UHMK1: variants seen among roughly 807,000 people sequenced by gnomAD.
UHMK1 encodes serine/threonine-protein kinase Kist.
In UHMK1, 18 loss-of-function variants were observed where a neutral mutation model predicts 44.0. The ratio of observed to expected loss-of-function variants is 0.41; its 90% confidence interval spans 0.28 to 0.61. The LOEUF is 0.61. Among genes scored for constraint, UHMK1 ranks in the 20% least tolerant of loss-of-function variants. The pLI, the probability that UHMK1 is intolerant of heterozygous loss-of-function variation, is 0.31. For missense variants in UHMK1, 463 were observed against 522.5 expected, an observed-to-expected ratio of 0.89 and a Z score of 1.11; for synonymous variants, 231 against 198.5, an observed-to-expected ratio of 1.16 and a Z score of -1.38.
intron 2 of UHMK1, 109 bp downstream of exon 2, chr1:162,500,356 C>T: frequency 7.8e-7 from 1 of 1,276,924 alleles, no homozygotes; most frequent in East Asian, 2.5e-5. Context: ...TCATTTTAAC[C>T]TAAATTACTG....
intron 4 of UHMK1, among the ~76,000 whole-genome samples, chr1:162,509,395 C>T (rs908030264): frequency 2.6e-5 from 4 of 152,180 alleles, no homozygotes; most frequent in Admixed American, 2.6e-4. Context: ...CTAGATTACT[C>T]CAACCTCTTA....
chr1:162,497,610 CAAG>C (rs1419095397), upstream of UHMK1, among the ~76,000 whole-genome samples: 3 of 151,978 alleles, frequency 2.0e-5, no homozygotes, highest in Non-Finnish European at 4.4e-5. Context: ...GGTGCCTCAA[CAAG>C]AAAAAGGACC....
intron 6 of UHMK1, chr1:162,513,143 A>G (rs6668255): frequency 0.46 from 130,602 of 285,442 alleles, 30,300 homozygotes; most frequent in East Asian, 0.48. Context: ...GTTTCACCAT[A>G]TTGGTCAGCT....
chr1:162,518,341 TTTAC>T, intron 7 of UHMK1, 151 bp downstream of exon 7: 1 of 579,646 alleles, frequency 1.7e-6, no homozygotes, highest in Non-Finnish European at 3.0e-6. Context: ...ACTTGTACTT[TTTAC>T]TTCTTCTAAA....
rs1368112150 is a variant in UHMK1 at position 162,500,080 on chromosome 1, A to ATGTGGATGATACAGCAT, written c.399_415dup (p.Ala139GlyfsTer2). 1 of 1,614,166 alleles carries ATGTGGATGATACAGCAT rather than the reference A, an allele frequency of 6.2e-7. No homozygotes were observed. The highest frequency in any genetic ancestry group is 1.1e-5 in the South Asian group (1 of 91,078). On this transcript the variant is annotated frameshift_variant, in exon 2 of 8. Coordinates refer to ENST00000489294, the MANE Select transcript of UHMK1 (RefSeq NM_175866.5). LOFTEE classifies it high-confidence loss of function. The stretch of plus-strand genomic sequence containing the variant: ...ATATTCCAGTCACCAGGGTTGTTCC[A>ATGTGGATGATACAGCAT]TGTGGATGATACAGCATTGTGCCCG...
intron 4 of UHMK1, 41 bp downstream of exon 4, chr1:162,503,889 C>T: frequency 6.7e-7 from 1 of 1,489,138 alleles, no homozygotes; most frequent in South Asian, 1.2e-5. Context: ...CATTCATGTA[C>T]TATGTGAAAT....
At chr1:162,502,971 A>G (rs896740598) in intron 3 of UHMK1, among the ~76,000 whole-genome samples, 5 of 152,192 alleles carry the variant, frequency 3.3e-5, no homozygotes, top group South Asian at 2.1e-4. Context: ...ACTCATGTAC[A>G]CAGTTCTAAA....
chr1:162,503,636 G>A lies in UHMK1; in HGVS notation c.754-118G>A, dbSNP rs996723609. 9.2e-6 allele frequency: 4 copies of A among 436,474 alleles called. 1 individual carries two copies. The highest frequency in any genetic ancestry group is 6.3e-5 in the South Asian group (2 of 31,824). The allele number at this position is 436,474 out of a possible 1,614,324, so 27.0% of individuals were successfully genotyped here. ...CAAAAAAAAAAAAAAAAAAAAGATTGTAGGCTCTCAGAAGATAGTGTTTTC... is the reference window on the plus strand; with the variant it reads ...CAAAAAAAAAAAAAAAAAAAAGATTATAGGCTCTCAGAAGATAGTGTTTTC... On this transcript the variant is annotated intron_variant, in intron 3 of 7. Coordinates refer to ENST00000489294, the MANE Select transcript of UHMK1 (RefSeq NM_175866.5).
chr1:162,512,942 T>C, intron 6 of UHMK1, 119 bp downstream of exon 6: 1 of 979,958 alleles, frequency 1.0e-6, no homozygotes, highest in Non-Finnish European at 1.5e-6. Flanking sequence ...CAATATGATC[T>C]CTAATATACT....
At position 162,522,768 on chromosome 1, in the gene UHMK1, C is replaced by A; in HGVS notation, c.*218C>A. 2.3e-6 allele frequency: 1 copy of A among 432,612 alleles called. No homozygotes were observed. The highest frequency in any genetic ancestry group is 4.0e-6 in the Non-Finnish European group (1 of 249,868). 26.8% of individuals were successfully genotyped at this position (432,612 alleles called of 1,614,324 possible). On this transcript the variant is annotated 3_prime_UTR_variant, in exon 8 of 8. Transcript: ENST00000489294. ...AGCTATACATTGAGGGGTTTTAGAG[C>A]ATCCATGTGGGCAACCCTTTTTTGT...
At position 162,498,188 on chromosome 1, in the gene UHMK1, G is replaced by A. The variant is rs754002288; in HGVS notation, c.188G>A (p.Gly63Glu). 16 of 1,613,044 alleles carry A rather than the reference G, an allele frequency of 9.9e-6. No individual in the cohort carries two copies. The highest frequency in any genetic ancestry group is 1.4e-5 in the Non-Finnish European group (16 of 1,179,374). ...CAGTTCTTGCCGCCAGGAACCACCGGGGCTGCGGCCTCTGCCGCCGAGTAT... is the reference window on the plus strand; with the variant it reads ...CAGTTCTTGCCGCCAGGAACCACCGAGGCTGCGGCCTCTGCCGCCGAGTAT... ...LKQFLPPGTT[G>E]AAASAAEYGF... is the part of the protein sequence containing the mutation. Residue 63 changes from glycine to glutamate, a missense_variant, in exon 1 of 8, where the codon GGG (glycine) becomes GAG (glutamate). Gly to Glu is a moderately conservative substitution (Grantham distance 98). Around this residue, in one of 3 missense-constraint regions of UHMK1, gnomAD observed 191 missense variants for 176.0 expected, o/e 1.09. Transcript: ENST00000489294.
intron 2 of UHMK1, chr1:162,500,601 A>G (rs528943814): frequency 4.9e-6 from 2 of 408,942 alleles, no homozygotes; most frequent in African/African-American, 4.0e-5. Context: ...AATGCATATG[A>G]TAGTTCTGCC....
At position 162,522,842 on chromosome 1, in the gene UHMK1, A is replaced by AT. The variant is rs1652109332; in HGVS notation, c.*294dup. The AT allele has an allele frequency of 4.2e-6, 1 of 240,276 alleles. No individual in the cohort carries two copies. Among genetic ancestry groups the AT allele is most frequent in the African/African-American group, 2.2e-5 (1 of 44,588 alleles). The allele number at this position is 240,276 out of a possible 1,614,324, so 14.9% of individuals were successfully genotyped here. ...CAGTATGTAGCCTAAAAAAATCTTA[A>AT]TTATTTCATGGATCATGAAGCAAGG... On this transcript the variant is annotated 3_prime_UTR_variant, in exon 8 of 8. Coordinates refer to ENST00000489294, the MANE Select transcript of UHMK1 (RefSeq NM_175866.5).
At chr1:162,500,323 G>T in intron 2 of UHMK1, 76 bp downstream of exon 2, 1 of 1,478,762 alleles carries the variant, frequency 6.8e-7, no homozygotes. Context: ...AATGACAAGG[G>T]TAGTTTAGTA....
intron 1 of UHMK1, among the ~76,000 whole-genome samples, chr1:162,498,725 C>T (rs964907288): frequency 1.3e-5 from 2 of 152,176 alleles, no homozygotes; most frequent in Non-Finnish European, 2.9e-5. Context: ...AAATGATGCA[C>T]TATTCCATGG....
chr1:162,517,169 C>T (rs1311537002), intron 6 of UHMK1, among the ~76,000 whole-genome samples: 1 of 152,142 alleles, frequency 6.6e-6, no homozygotes, highest in Admixed American at 6.6e-5. Flanking sequence ...CATGGTGGCA[C>T]ATGCCTATAA....
In UHMK1 at chr1:162,503,612, A is replaced by AG. The variant is rs899907972; in HGVS notation, c.754-142_754-141insG. The AG allele has an allele frequency of 3.0e-4, 10 of 33,498 alleles. No individual in the cohort carries two copies. The African/African-American group carries it at 3.3e-3, about 11-fold the overall frequency. The allele number at this position is 33,498 out of a possible 1,614,324, so 2.1% of individuals were successfully genotyped here. Reference sequence around the variant, plus strand: ...GGTGGCAGAGCAAGACCCTGTCTCCAAAAAAAAAAAAAAAAAAAAGATTGT... The same window carrying AG: ...GGTGGCAGAGCAAGACCCTGTCTCCAGAAAAAAAAAAAAAAAAAAAGATTGT... On this transcript the variant is annotated intron_variant, in intron 3 of 7. Transcript: ENST00000489294.
At position 162,498,169 on chromosome 1, in the gene UHMK1, T is replaced by G; in HGVS notation, c.169T>G (p.Leu57Val). 6.2e-7 allele frequency: 1 copy of G among 1,613,214 alleles called. No individual in the cohort carries two copies. Among genetic ancestry groups the G allele is most frequent in the Middle Eastern group, 1.7e-4 (1 of 6,050 alleles). The change falls in exon 1 of 8, where the codon TTG becomes GTG. Residue 57 changes from leucine (L) to valine (V), a missense_variant. Leu to Val is a conservative substitution (Grantham distance 32). Around this residue, in one of 3 missense-constraint regions of UHMK1, gnomAD observed 191 missense variants for 176.0 expected, o/e 1.09. Coordinates refer to ENST00000489294, the MANE Select transcript of UHMK1 (RefSeq NM_175866.5). ...GSPPGALKQF[L>V]PPGTTGAAAS... ...GCCCCCCGGCGCCCTCAAGCAGTTC[T>G]TGCCGCCAGGAACCACCGGGGCTGC... is the stretch of plus-strand genomic sequence containing the variant.
intron 1 of UHMK1, among the ~76,000 whole-genome samples, chr1:162,499,034 G>A (rs980551776): frequency 1.3e-5 from 2 of 152,074 alleles, no homozygotes; most frequent in African/African-American, 2.4e-5. Context: ...TTACTAAATG[G>A]TCTGTTACTA....
Sources: gnomAD v4.1 joint callset for allele counts (sites outside exome capture counted in the v4.1 genomes callset) on GRCh38, gnomAD v4.1.1 for gene constraint, gnomAD v4.1.1 regional missense constraint, MANE v1.5 for transcripts, NCBI Gene and HGNC (gene_info 2026-07-23, HGNC 2026-07-21) for gene names.